Variants in KCNIP3 observed in about 807,000 individuals in gnomAD.
KCNIP3 encodes potassium voltage-gated channel interacting protein 3, also known as calsenilin.
A neutral mutation model predicts 35.0 loss-of-function variants in KCNIP3; 28 were observed. The observed-to-expected ratio is 0.80, with a 90% CI of 0.59 to 1.10. The LOEUF is 1.10. KCNIP3 is among the 50% of genes least tolerant of loss of function. KCNIP3 has a pLI of 0.00. For missense variants in KCNIP3, 295 were observed against 338.4 expected (o/e 0.87, Z 1.01); for synonymous variants, 134 against 133.8 (o/e 1.00, Z -0.01).
chr2:95,330,213 C>T (rs963619448), intron 2 of KCNIP3, among the ~76,000 whole-genome samples: 1 of 152,122 alleles, frequency 6.6e-6, no homozygotes, highest in African/African-American at 2.4e-5. Context: ...GGACCTGGGG[C>T]ATCTCGAGGT....
At chr2:95,326,142 CACAT>C (rs1001225265) in intron 2 of KCNIP3, among the ~76,000 whole-genome samples, 5 of 151,868 alleles carry the variant, frequency 3.3e-5, no homozygotes, top group East Asian at 1.9e-4. Flanking sequence ...AAGTCAGACA[CACAT>C]ACACTTATAT....
At chr2:95,308,056 A>G (rs1678220958) in intron 1 of KCNIP3, among the ~76,000 whole-genome samples, 1 of 152,114 alleles carries the variant, frequency 6.6e-6, no homozygotes, top group Non-Finnish European at 1.5e-5. Flanking sequence ...GTGCCTATGC[A>G]TGTGTGCTTG....
intron 1 of KCNIP3, among the ~76,000 whole-genome samples, chr2:95,302,479 G>T (rs1275558063): frequency 6.6e-6 from 1 of 152,204 alleles, no homozygotes; most frequent in African/African-American, 2.4e-5. Flanking sequence ...CGTGATTCTG[G>T]CATGTGGCAG....
intron 1 of KCNIP3, among the ~76,000 whole-genome samples, chr2:95,307,057 C>T (rs1299920898): frequency 1.3e-5 from 2 of 152,176 alleles, no homozygotes; most frequent in African/African-American, 2.4e-5. Context: ...CCCTGGCCCT[C>T]CCCTCCCTTC....
At chr2:95,351,431 C>G (rs564269357) in intron 2 of KCNIP3, among the ~76,000 whole-genome samples, 1 of 152,138 alleles carries the variant, frequency 6.6e-6, no homozygotes, top group Non-Finnish European at 1.5e-5. Context: ...GATGCATTTC[C>G]CGGGGAGAGC....
intron 1 of KCNIP3, among the ~76,000 whole-genome samples, chr2:95,305,895 T>G (rs1054461085): frequency 6.6e-6 from 1 of 152,246 alleles, no homozygotes; most frequent in Non-Finnish European, 1.5e-5. Context: ...ATTCACCCAT[T>G]GAAGGGCATT....
intron 2 of KCNIP3, chr2:95,346,800 C>T (rs1679382258): frequency 5.5e-6 from 1 of 182,714 alleles, no homozygotes; most frequent in Admixed American, 6.2e-5. Context: ...GCCGCCGCGT[C>T]CGGTCCCCGC....
chr2:95,344,823 C>G (rs1446957606), intron 2 of KCNIP3, among the ~76,000 whole-genome samples: 1 of 152,196 alleles, frequency 6.6e-6, no homozygotes, highest in African/African-American at 2.4e-5. Flanking sequence ...GATTATTGTT[C>G]CCATTTTATG....
At chr2:95,370,670 T>C (rs1680020523) in intron 2 of KCNIP3, among the ~76,000 whole-genome samples, 1 of 152,276 alleles carries the variant, frequency 6.6e-6, no homozygotes, top group Admixed American at 6.5e-5. Context: ...GTCAGATACA[T>C]ATACTGGAGA....
At chr2:95,344,559 G>A (rs1331090199) in intron 2 of KCNIP3, among the ~76,000 whole-genome samples, 2 of 152,242 alleles carry the variant, frequency 1.3e-5, no homozygotes, top group African/African-American at 2.4e-5. Flanking sequence ...GGCAGTCATC[G>A]AAGCTCTCAC....
intron 1 of KCNIP3, among the ~76,000 whole-genome samples, chr2:95,305,628 G>A (rs774663029): frequency 6.6e-6 from 1 of 152,088 alleles, no homozygotes; most frequent in Non-Finnish European, 1.5e-5. Flanking sequence ...GCCGCCCTGT[G>A]AGAGCCACAC....
intron 2 of KCNIP3, among the ~76,000 whole-genome samples, chr2:95,356,615 C>G (rs1366608319): frequency 6.6e-6 from 1 of 152,138 alleles, no homozygotes; most frequent in Non-Finnish European, 1.5e-5. Context: ...AATCGTTTCC[C>G]CATTTCTTGT....
rs1390325417 is a variant in KCNIP3, at chr2:95,374,552, C to T, written c.306+132C>T. 46 of 1,181,106 alleles carry T rather than the reference C, an allele frequency of 3.9e-5. No homozygotes were observed. In the East Asian group the frequency reaches 7.7e-4, roughly 20 times the overall value. 73.2% of individuals were successfully genotyped at this position (1,181,106 alleles called of 1,614,324 possible). ...TATGTGTTGTGGGAAAGCTGTGTGG[C>T]GGGGGCAGGCTCCGGAATGGGCATC... On this transcript the variant is annotated intron_variant, in intron 3 of 8. Coordinates refer to ENST00000295225, the MANE Select transcript of KCNIP3 (RefSeq NM_013434.5).
At chr2:95,336,389 A>G (rs1046327941) in intron 2 of KCNIP3, among the ~76,000 whole-genome samples, 20 of 152,352 alleles carry the variant, frequency 1.3e-4, no homozygotes, top group African/African-American at 4.8e-4. Flanking sequence ...TCAATGATAC[A>G]AGATCCAAAT....
intron 2 of KCNIP3, chr2:95,346,583 C>G (rs1028537796): frequency 1.4e-5 from 2 of 146,250 alleles, no homozygotes; most frequent in Admixed American, 6.8e-5. Context: ...CCGGGAGCGC[C>G]CGGGACCCCC....
intron 2 of KCNIP3, chr2:95,347,026 A>G: frequency 6.2e-7 from 1 of 1,607,548 alleles, no homozygotes. Flanking sequence ...TGCCATGGGC[A>G]TCCAGGGCAT....
intron 2 of KCNIP3, among the ~76,000 whole-genome samples, chr2:95,325,614 TACACACACACAC>T (rs1363299356): frequency 6.7e-6 from 1 of 149,366 alleles, no homozygotes; most frequent in African/African-American, 2.5e-5. Flanking sequence ...CATACACACG[TACACACACACAC>T]TCACACACAC....
chr2:95,343,530 G>A (rs2104260668), intron 2 of KCNIP3, among the ~76,000 whole-genome samples: 1 of 152,278 alleles, frequency 6.6e-6, no homozygotes, highest in East Asian at 1.9e-4. Context: ...CATGCATCCA[G>A]CCCAGACCCG....
At chr2:95,329,729 G>A (rs1464804590) in intron 2 of KCNIP3, among the ~76,000 whole-genome samples, 3 of 152,252 alleles carry the variant, frequency 2.0e-5, no homozygotes, top group African/African-American at 4.8e-5. Context: ...TCAGGTTTGT[G>A]GCTGGCGTGC....
Sources: gnomAD v4.1 joint callset for allele counts (sites outside exome capture counted in the v4.1 genomes callset) on GRCh38, gnomAD v4.1.1 for gene constraint, MANE v1.5 for transcripts, NCBI Gene and HGNC (gene_info 2026-07-23, HGNC 2026-07-21) for gene names.